Variants in EHBP1 observed in about 807,000 individuals in gnomAD.
The protein encoded by EHBP1 is EH domain binding protein 1.
A neutral mutation model predicts 144.0 loss-of-function variants in EHBP1; 55 were observed. That is an observed-to-expected ratio of 0.38 (90% confidence interval 0.31 to 0.48). EHBP1 has a LOEUF of 0.48. Ranked by LOEUF, EHBP1 falls within the 20% of genes least tolerant of loss-of-function variation. The pLI, the probability that EHBP1 is intolerant of heterozygous loss-of-function variation, is 0.98. For synonymous variants in EHBP1, 469 were observed against 472.7 expected (o/e 0.99, Z 0.10); for missense variants, 1,200 against 1,364.2 (o/e 0.88, Z 1.90).
chr2:62,968,157 A>G lies in EHBP1; in HGVS notation c.2461-11031A>G, dbSNP rs150812790. On this transcript the variant is annotated intron_variant, in intron 14 of 22. Coordinates refer to ENST00000431489, the MANE Select transcript of EHBP1 (RefSeq NM_001142616.3). Reference sequence around the variant, plus strand: ...AGTTTTTTTGGGTCTTATTCTGAGTACAATCCAAAGGAGTTCATAAATAAA... The same window carrying G: ...AGTTTTTTTGGGTCTTATTCTGAGTGCAATCCAAAGGAGTTCATAAATAAA... Among the ~76,000 whole-genome samples, 298 of 152,276 alleles carry G rather than the reference A, an allele frequency of 2.0e-3. 2 individuals carry two copies. Among genetic ancestry groups the G allele is most frequent in the Non-Finnish European group, 1.0e-3 (71 of 68,016 alleles).
At chr2:62,807,575 A>G (rs2044619688) in intron 5 of EHBP1, among the ~76,000 whole-genome samples, 1 of 152,068 alleles carries the variant, frequency 6.6e-6, no homozygotes. Flanking sequence ...GAAAAATGTT[A>G]ATTTTACCTT....
chr2:62,688,654 C>T (rs1223346750), intron 1 of EHBP1, among the ~76,000 whole-genome samples: 1 of 152,024 alleles, frequency 6.6e-6, no homozygotes, highest in Non-Finnish European at 1.5e-5. Context: ...CCTCTAGTAT[C>T]TTCTGTTCTA....
intron 3 of EHBP1, among the ~76,000 whole-genome samples, chr2:62,753,228 C>T (rs1001213979): frequency 2.0e-4 from 31 of 152,234 alleles, no homozygotes; most frequent in African/African-American, 6.7e-4. Flanking sequence ...ATTTGCTTGT[C>T]TGTAAAGTAT....
intron 10 of EHBP1, among the ~76,000 whole-genome samples, chr2:62,877,569 T>C (rs973240247): frequency 4.6e-5 from 7 of 152,326 alleles, no homozygotes; most frequent in African/African-American, 1.7e-4. Flanking sequence ...ACATGGTACA[T>C]ACTCCAAAAT....
chr2:62,872,195 A>T, intron 9 of EHBP1: 1 of 151,914 alleles, frequency 6.6e-6, no homozygotes, highest in African/African-American at 2.4e-5. Context: ...TCTATAATTC[A>T]TTTTTCTTGA....
chr2:62,952,648 A>G (rs565264842), intron 13 of EHBP1, among the ~76,000 whole-genome samples: 1 of 152,312 alleles, frequency 6.6e-6, no homozygotes, highest in Non-Finnish European at 1.5e-5. Flanking sequence ...ATTCTATATT[A>G]TATGTGGGAA....
intron 1 of EHBP1, among the ~76,000 whole-genome samples, chr2:62,690,648 G>A (rs1450099286): frequency 6.6e-6 from 1 of 152,086 alleles, no homozygotes; most frequent in Non-Finnish European, 1.5e-5. Flanking sequence ...AGCCACATAA[G>A]GCTCTCATAA....
At chr2:62,946,927 A>C (rs144520080) in intron 12 of EHBP1, among the ~76,000 whole-genome samples, 31 of 152,288 alleles carry the variant, frequency 2.0e-4, no homozygotes, top group African/African-American at 7.5e-4. Flanking sequence ...AAAAGTGCTG[A>C]ATAAAAAAAG....
intron 4 of EHBP1, among the ~76,000 whole-genome samples, chr2:62,766,248 G>A (rs554674791): frequency 6.6e-5 from 10 of 152,278 alleles, no homozygotes; most frequent in Admixed American, 2.6e-4. Flanking sequence ...CAGAACTGTG[G>A]TTTGGGAGAA....
At chr2:62,761,603 ATC>A (rs2040772873) in intron 3 of EHBP1, among the ~76,000 whole-genome samples, 1 of 152,106 alleles carries the variant, frequency 6.6e-6, no homozygotes, top group South Asian at 2.1e-4. Context: ...CAGTTTTTCA[ATC>A]TGTTAAATCT....
At chr2:62,990,432 G>A (rs145123206) in intron 15 of EHBP1, among the ~76,000 whole-genome samples, 2 of 152,116 alleles carry the variant, frequency 1.3e-5, no homozygotes, top group African/African-American at 4.8e-5. Context: ...TTATATAAAT[G>A]TATACATCAC....
chr2:62,993,127 A>T (rs2059478790), intron 16 of EHBP1, among the ~76,000 whole-genome samples: 1 of 152,206 alleles, frequency 6.6e-6, no homozygotes, highest in African/African-American at 2.4e-5. Context: ...GTAGGGTAGT[A>T]TTATAATCCT....
intron 9 of EHBP1, among the ~76,000 whole-genome samples, chr2:62,873,986 T>A (rs550201299): frequency 2.0e-5 from 3 of 152,170 alleles, no homozygotes; most frequent in Non-Finnish European, 4.4e-5. Context: ...AGCTCGAGCT[T>A]AAAAAAGAAA....
At chr2:62,737,602 T>C (rs1169102455) in intron 2 of EHBP1, among the ~76,000 whole-genome samples, 1 of 152,194 alleles carries the variant, frequency 6.6e-6, no homozygotes, top group East Asian at 1.9e-4. Context: ...TATTTCAGCT[T>C]GTTCAGCTTT....
chr2:63,042,559 ACT>A (rs2061709251), intron 21 of EHBP1, among the ~76,000 whole-genome samples: 1 of 152,052 alleles, frequency 6.6e-6, no homozygotes, highest in Non-Finnish European at 1.5e-5. Context: ...TTTAAATTTG[ACT>A]CTGAAATGAT....
chr2:62,808,296 G>C (rs2044675493), intron 5 of EHBP1, among the ~76,000 whole-genome samples: 1 of 146,686 alleles, frequency 6.8e-6, no homozygotes, highest in African/African-American at 2.5e-5. Context: ...CACAGTCCTT[G>C]GCTACTCTAT....
intron 6 of EHBP1, among the ~76,000 whole-genome samples, chr2:62,830,293 G>A (rs893985146): frequency 2.7e-5 from 4 of 150,934 alleles, no homozygotes; most frequent in Non-Finnish European, 4.4e-5. Context: ...ATGCCACCAC[G>A]CCCGGCTAAT....
At chr2:63,012,706 T>C (rs2060319234) in intron 19 of EHBP1, among the ~76,000 whole-genome samples, 1 of 152,168 alleles carries the variant, frequency 6.6e-6, no homozygotes. Flanking sequence ...TAAAACAGCT[T>C]GTGAAATATA....
At position 62,948,253 on chromosome 2, in the gene EHBP1, T is replaced by C; in HGVS notation, c.1414-7T>C. The C allele has an allele frequency of 6.5e-7, 1 of 1,538,430 alleles. No homozygotes were observed. Among genetic ancestry groups the C allele is most frequent in the African/African-American group, 1.4e-5 (1 of 72,380 alleles). On this transcript the variant is annotated splice_region_variant and splice_polypyrimidine_tract_variant and intron_variant, in intron 12 of 22. Transcript: ENST00000431489. The stretch of plus-strand genomic sequence containing the variant: ...CAATATATCTTTTGTTTTTCCTTCC[T>C]TTGAAGGCATACGATGGATTTGCCA...
Sources: gnomAD v4.1 joint callset for allele counts (sites outside exome capture counted in the v4.1 genomes callset) on GRCh38, gnomAD v4.1.1 for gene constraint, MANE v1.5 for transcripts, NCBI Gene and HGNC (gene_info 2026-07-23, HGNC 2026-07-21) for gene names.